The following EPM2A variants were observed in gnomAD, a reference collection of about 807,000 sequenced individuals.
EPM2A encodes the protein laforin.
A neutral mutation model predicts 26.5 loss-of-function variants in EPM2A; 21 were observed. The observed-to-expected ratio is 0.79, with a 90% CI of 0.56 to 1.14. The LOEUF is 1.14. Among genes scored for constraint, EPM2A ranks in the 50% most tolerant of loss-of-function variants. The pLI is 0.00. For missense variants in EPM2A, 458 were observed against 440.8 expected, an observed-to-expected ratio of 1.04 and a Z score of -0.35; for synonymous variants, 217 against 177.6, an observed-to-expected ratio of 1.22 and a Z score of -1.76.
At chr6:145,450,785 T>C (rs192185575) in intron 4 of EPM2A, among the ~76,000 whole-genome samples, 13 of 152,318 alleles carry the variant, frequency 8.5e-5, no homozygotes, top group Non-Finnish European at 1.5e-5. Flanking sequence ...GACTCAGAAA[T>C]TCTCTAGGGT....
chr6:145,428,988 G>A (rs1054656544), intron 4 of EPM2A, among the ~76,000 whole-genome samples: 1 of 152,164 alleles, frequency 6.6e-6, no homozygotes, highest in Non-Finnish European at 1.5e-5. Flanking sequence ...CAGTACAAGA[G>A]AGCTCATAAC....
At chr6:145,723,419 C>T (rs1489555253) in intron 1 of EPM2A, among the ~76,000 whole-genome samples, 1 of 152,010 alleles carries the variant, frequency 6.6e-6, no homozygotes, top group Non-Finnish European at 1.5e-5. Context: ...AGACTATATA[C>T]ATATGCATAC....
At chr6:145,492,019 TTCAG>T (rs1354738726) in intron 4 of EPM2A, 1 of 381,090 alleles carries the variant, frequency 2.6e-6, no homozygotes, top group Admixed American at 3.2e-5. Flanking sequence ...TTGCTGTTTA[TTCAG>T]TCAGTCGAGG....
chr6:145,446,151 T>C (rs1779126013), intron 4 of EPM2A, among the ~76,000 whole-genome samples: 1 of 152,204 alleles, frequency 6.6e-6, no homozygotes. Context: ...CTGTGGGTGA[T>C]GCAGCCCTAG....
At chr6:145,639,892 C>G (rs1582945371) in intron 2 of EPM2A, 1 of 152,140 alleles carries the variant, frequency 6.6e-6, no homozygotes, top group Admixed American at 6.6e-5. Flanking sequence ...ACTATTTCTG[C>G]TGTGCTATAA....
intron 4 of EPM2A, among the ~76,000 whole-genome samples, chr6:145,409,455 A>C (rs1778614493): frequency 6.6e-6 from 1 of 152,180 alleles, no homozygotes; most frequent in South Asian, 2.1e-4. Context: ...TTCCACACTC[A>C]GTATCTAATT....
intron 4 of EPM2A, among the ~76,000 whole-genome samples, chr6:145,430,257 GA>G (rs1361344873): frequency 6.6e-5 from 10 of 152,062 alleles, no homozygotes; most frequent in Admixed American, 5.2e-4. Flanking sequence ...TCCCCAAAAT[GA>G]GAAATGGCAT....
chr6:145,588,291 G>A (rs908712072), intron 2 of EPM2A, among the ~76,000 whole-genome samples: 10 of 152,154 alleles, frequency 6.6e-5, no homozygotes, highest in Admixed American at 6.5e-4. Flanking sequence ...AGGGAAATAA[G>A]TTAGATTTAC....
chr6:145,677,885 A>G (rs1043412525), intron 2 of EPM2A, among the ~76,000 whole-genome samples: 5 of 152,214 alleles, frequency 3.3e-5, no homozygotes, highest in Non-Finnish European at 5.9e-5. Flanking sequence ...TGCCATCCCC[A>G]TCAAGCTACC....
chr6:145,552,304 GT>G (rs1228132872), intron 2 of EPM2A, among the ~76,000 whole-genome samples: 2 of 151,938 alleles, frequency 1.3e-5, no homozygotes, highest in South Asian at 2.1e-4. Flanking sequence ...ACACATAATA[GT>G]GAGATTGCAA....
chr6:145,399,034 A>G (rs1778446352), intron 4 of EPM2A, among the ~76,000 whole-genome samples: 1 of 152,124 alleles, frequency 6.6e-6, no homozygotes, highest in Non-Finnish European at 1.5e-5. Context: ...ACTGTATACC[A>G]CAAGACTTCC....
At chr6:145,441,606 G>A (rs907351944) in intron 4 of EPM2A, among the ~76,000 whole-genome samples, 17 of 152,140 alleles carry the variant, frequency 1.1e-4, no homozygotes, top group Non-Finnish European at 1.8e-4. Flanking sequence ...GCTCATGCCT[G>A]TAATCCTAGC....
At position 145,625,622 on chromosome 6, in the gene EPM2A, C is replaced by A. The variant is rs1775750329; in HGVS notation, c.*1794G>T. On this transcript the variant is annotated 3_prime_UTR_variant, in exon 4 of 4. Coordinates refer to ENST00000367519, the MANE Select transcript of EPM2A (RefSeq NM_005670.4). ...GAGTTACCTGAATACCAATTATTAC[C>A]TCTAGTTATTTTTAGCAAGGGAGCT... is the stretch of plus-strand genomic sequence containing the variant. The A allele has an allele frequency of 2.8e-6, 2 of 718,376 alleles. No homozygotes were observed. The highest frequency in any genetic ancestry group is 5.2e-6 in the Non-Finnish European group (2 of 385,112). The allele number at this position is 718,376 out of a possible 1,614,324, so 44.5% of individuals were successfully genotyped here. A position where few individuals can be genotyped will look rare whatever the true frequency, so the allele number is the denominator to read the frequency against.
chr6:145,386,360 G>A (rs1218315534), intron 4 of EPM2A, among the ~76,000 whole-genome samples: 2 of 151,522 alleles, frequency 1.3e-5, no homozygotes, highest in Non-Finnish European at 2.9e-5. Flanking sequence ...TTAAAACGAG[G>A]GAAAAAAAGC....
At chr6:145,553,748 A>C (rs1349178027) in intron 2 of EPM2A, among the ~76,000 whole-genome samples, 3 of 150,682 alleles carry the variant, frequency 2.0e-5, no homozygotes, top group African/African-American at 7.3e-5. Context: ...CCATTTTATT[A>C]TTTGTCCTGG....
rs190270457 is a variant in EPM2A at position 145,459,842 on chromosome 6, C to A, written c.555+42680G>T. Among the ~76,000 whole-genome samples the A allele has an allele frequency of 1.8e-3, 268 of 152,212 alleles. 1 individual carries two copies. The highest frequency in any genetic ancestry group is 6.3e-3 in the African/African-American group (263 of 41,544). On this transcript the variant is annotated intron_variant, in intron 4 of 4. Transcript: ENST00000638717. ...GAAAACCTTTTTCATCCTTTATAAT[C>A]TACTTTAGGAAGTGGTTTCCATAAT...
At chr6:145,699,550 A>G (rs980920927) in intron 1 of EPM2A, among the ~76,000 whole-genome samples, 7 of 152,238 alleles carry the variant, frequency 4.6e-5, no homozygotes, top group African/African-American at 1.7e-4. Context: ...CTATGCTGTG[A>G]TGAACAACAG....
chr6:145,674,419 A>T (rs1208439641), intron 2 of EPM2A, among the ~76,000 whole-genome samples: 2 of 152,192 alleles, frequency 1.3e-5, no homozygotes, highest in East Asian at 3.9e-4. Flanking sequence ...AATGGAACAA[A>T]GCTGGACAGA....
chr6:145,718,314 A>T lies in EPM2A; in HGVS notation c.301+16884T>A, dbSNP rs577579047. Among the ~76,000 whole-genome samples the T allele has an allele frequency of 2.7e-5, 4 of 146,024 alleles. No individual in the cohort carries two copies. The East Asian group carries it at 8.2e-4, about 30-fold the overall frequency. On this transcript the variant is annotated intron_variant, in intron 1 of 3. Coordinates refer to ENST00000367519, the MANE Select transcript of EPM2A (RefSeq NM_005670.4). ...GAACAGAGGCCTCAGAAATAACGCC[A>T]CATATCTACAACTATCTGATCTTTG...
Sources: allele counts gnomAD v4.1 joint callset (sites outside exome capture counted in the v4.1 genomes callset), GRCh38; gene constraint gnomAD v4.1.1; transcripts MANE v1.5; gene names NCBI Gene and HGNC (gene_info 2026-07-23, HGNC 2026-07-21).